LRRC8D: variants seen among roughly 807,000 people sequenced by gnomAD.
LRRC8D encodes the protein volume-regulated anion channel subunit LRRC8D.
In LRRC8D, 20 loss-of-function variants were observed where a neutral mutation model predicts 55.8. The ratio of observed to expected loss-of-function variants is 0.36; its 90% CI spans 0.25 to 0.52. The LOEUF (loss-of-function observed/expected upper bound fraction) is 0.52. Among genes scored for constraint, LRRC8D ranks in the 20% least tolerant of loss-of-function variants. The probability of loss-of-function intolerance (pLI) is 0.93; values close to 1 mark genes in which losing one functional copy is unlikely to be tolerated. For missense variants in LRRC8D, 651 were observed against 1,030.8 expected, an observed-to-expected ratio of 0.63 and a Z score of 5.05; for synonymous variants, 352 against 377.0, an observed-to-expected ratio of 0.93 and a Z score of 0.77.
chr1:89,929,007 A>T (rs1199263199), intron 2 of LRRC8D, among the ~76,000 whole-genome samples: 1 of 152,244 alleles, frequency 6.6e-6, no homozygotes, highest in Non-Finnish European at 1.5e-5. Flanking sequence ...AATTTTTAGG[A>T]TGCTGAAGAT....
chr1:89,866,171 A>G (rs1294422228), intron 2 of LRRC8D, among the ~76,000 whole-genome samples: 1 of 152,194 alleles, frequency 6.6e-6, no homozygotes, highest in Non-Finnish European at 1.5e-5. Context: ...AGCAGTTACT[A>G]TAGTACATTC....
chr1:89,866,166 T>G (rs1314799981), intron 2 of LRRC8D, among the ~76,000 whole-genome samples: 1 of 152,184 alleles, frequency 6.6e-6, no homozygotes, highest in African/African-American at 2.4e-5. Flanking sequence ...CCTGAAGCAG[T>G]TACTATAGTA....
rs551274416 is a variant in LRRC8D, at chr1:89,935,441, A to G, written c.2373A>G (p.Pro791=). The part of the protein sequence containing the change: ...NLGQNCITSL[P]EKVGQLSQLT... ...GACAGAACTGCATCACCTCACTCCC[A>G]GAGAAAGTTGGTCAGCTCTCCCAGC... The change falls in exon 3 of 3, where the codon CCA becomes CCG. Residue 791 remains proline (P), a synonymous_variant. Coordinates refer to ENST00000337338, the MANE Select transcript of LRRC8D (RefSeq NM_001134479.2). 1 of 1,614,230 alleles carries G rather than the reference A, an allele frequency of 6.2e-7. No homozygotes were observed. The highest frequency in any genetic ancestry group is 1.1e-5 in the South Asian group (1 of 91,088).
At chr1:89,855,038 A>G (rs1045462810) in intron 2 of LRRC8D, among the ~76,000 whole-genome samples, 3 of 152,032 alleles carry the variant, frequency 2.0e-5, no homozygotes, top group African/African-American at 4.8e-5. Flanking sequence ...TGCTCTTTGC[A>G]TTCATCTCTA....
intron 2 of LRRC8D, among the ~76,000 whole-genome samples, chr1:89,919,432 A>G (rs895516230): frequency 6.6e-6 from 1 of 152,212 alleles, no homozygotes; most frequent in Non-Finnish European, 1.5e-5. Context: ...TCCTGGGACC[A>G]TGGAAAGCTG....
At chr1:89,880,525 T>A (rs1557465078) in intron 2 of LRRC8D, among the ~76,000 whole-genome samples, 2 of 151,976 alleles carry the variant, frequency 1.3e-5, no homozygotes, top group Non-Finnish European at 2.9e-5. Flanking sequence ...TTAGGTTCAT[T>A]ATCCATAACA....
chr1:89,834,801 G>A (rs1452803342), intron 1 of LRRC8D, among the ~76,000 whole-genome samples: 1 of 152,148 alleles, frequency 6.6e-6, no homozygotes, highest in Non-Finnish European at 1.5e-5. Flanking sequence ...GAGAGCTGAG[G>A]GAACGTTGGA....
At position 89,936,576 on chromosome 1, in the gene LRRC8D, T is replaced by C; in HGVS notation, c.*931T>C. ...GGAAAATAATAGGAAATGTAGTTCATTGGGTAGGGAAACTCTTACCTTTCC... is the reference window on the plus strand; with the variant it reads ...GGAAAATAATAGGAAATGTAGTTCACTGGGTAGGGAAACTCTTACCTTTCC... On this transcript the variant is annotated 3_prime_UTR_variant, in exon 3 of 3. Transcript: ENST00000337338. The C allele has an allele frequency of 6.6e-6, 1 of 152,188 alleles. No homozygotes were observed. Among genetic ancestry groups the C allele is most frequent in the Admixed American group, 6.5e-5 (1 of 15,286 alleles). The allele number at this position is 152,188 out of a possible 1,614,324, so 9.4% of individuals were successfully genotyped here.
chr1:89,840,570 G>C (rs1460792125), intron 1 of LRRC8D, among the ~76,000 whole-genome samples: 2 of 152,136 alleles, frequency 1.3e-5, no homozygotes, highest in African/African-American at 4.8e-5. Context: ...AGCAGCATAG[G>C]CGAATACCAT....
chr1:89,836,957 T>A (rs754654126), intron 1 of LRRC8D, among the ~76,000 whole-genome samples: 1 of 152,250 alleles, frequency 6.6e-6, no homozygotes, highest in Non-Finnish European at 1.5e-5. Context: ...TTTTTCTTCA[T>A]CATACTAGTA....
At chr1:89,845,391 G>A (rs1375460122) in intron 2 of LRRC8D, among the ~76,000 whole-genome samples, 2 of 152,178 alleles carry the variant, frequency 1.3e-5, no homozygotes, top group African/African-American at 2.4e-5. Context: ...CTGTGTTTAT[G>A]CCTCTTCTTG....
intron 2 of LRRC8D, among the ~76,000 whole-genome samples, chr1:89,928,174 A>G (rs1198947683): frequency 6.6e-6 from 1 of 152,086 alleles, no homozygotes; most frequent in Non-Finnish European, 1.5e-5. Flanking sequence ...GTTTCGAGCA[A>G]TTCTTCCTGC....
Position 89,935,713 on chromosome 1 carries a change from T to A in LRRC8D, c.*68T>A. ...TAGATTGCAAGTGCTCACGTACAAG[T>A]TATTACAAGATAATGCATTTTAGGA... is the stretch of plus-strand genomic sequence containing the variant. On this transcript the variant is annotated 3_prime_UTR_variant, in exon 3 of 3. Coordinates refer to ENST00000337338, the MANE Select transcript of LRRC8D (RefSeq NM_001134479.2). The A allele has an allele frequency of 1.4e-6, 2 of 1,414,088 alleles. No individual in the cohort carries two copies. Among genetic ancestry groups the A allele is most frequent in the Non-Finnish European group, 2.0e-6 (2 of 1,019,960 alleles). 87.6% of individuals were successfully genotyped at this position (1,414,088 alleles called of 1,614,324 possible). A position where few individuals can be genotyped will look rare whatever the true frequency, so the allele number is the denominator to read the frequency against.
intron 2 of LRRC8D, chr1:89,929,871 G>A (rs1344410458): frequency 6.6e-6 from 1 of 152,270 alleles, no homozygotes; most frequent in Non-Finnish European, 1.5e-5. Flanking sequence ...TGGGCTTCAC[G>A]GCAGTAGGTG....
chr1:89,919,810 A>AT (rs1353666611), intron 2 of LRRC8D, among the ~76,000 whole-genome samples: 1 of 152,130 alleles, frequency 6.6e-6, no homozygotes, highest in African/African-American at 2.4e-5. Context: ...ACAGCTTTTA[A>AT]TTTTTTAAAA....
chr1:89,830,904 T>C lies in LRRC8D; in HGVS notation c.-148+9613T>C, dbSNP rs1197375767. ...GGTTTGAATAAAAAGCACAATACAC[T>C]TTTTTTTTTTTTTTTTTTTGAGATG... is the stretch of plus-strand genomic sequence containing the variant. On this transcript the variant is annotated intron_variant, in intron 1 of 2. Transcript: ENST00000337338. Among the ~76,000 whole-genome samples, 6 of 132,974 alleles carry C rather than the reference T, an allele frequency of 4.5e-5. No individual in the cohort carries two copies. In the East Asian group the frequency reaches 8.3e-4, roughly 18 times the overall value. The allele number at this position is 132,974 out of a possible 152,430, so 87.2% of individuals were successfully genotyped here. A position where few individuals can be genotyped will look rare whatever the true frequency, so the allele number is the denominator to read the frequency against.
intron 2 of LRRC8D, among the ~76,000 whole-genome samples, chr1:89,895,030 C>G (rs1271610434): frequency 1.4e-5 from 2 of 147,454 alleles, no homozygotes; most frequent in Non-Finnish European, 3.0e-5. Context: ...ACTCAGTAAG[C>G]AAGCAGGCTG....
At chr1:89,903,269 T>C (rs776780227) in intron 2 of LRRC8D, among the ~76,000 whole-genome samples, 1 of 152,228 alleles carries the variant, frequency 6.6e-6, no homozygotes, top group Non-Finnish European at 1.5e-5. Context: ...ATTTGAGTTG[T>C]TGGACTGATT....
intron 2 of LRRC8D, among the ~76,000 whole-genome samples, chr1:89,892,820 G>A (rs928083489): frequency 2.0e-5 from 3 of 152,108 alleles, no homozygotes; most frequent in Non-Finnish European, 4.4e-5. Context: ...GTGCCTGGCC[G>A]TAGATTGATA....
Sources: allele counts gnomAD v4.1 joint callset (sites outside exome capture counted in the v4.1 genomes callset), GRCh38; gene constraint gnomAD v4.1.1; transcripts MANE v1.5; gene names NCBI Gene and HGNC (gene_info 2026-07-23, HGNC 2026-07-21).